POMK: variants seen among roughly 807,000 people sequenced by gnomAD.
The protein encoded by POMK is protein O-mannose kinase.
A neutral mutation model predicts 23.0 loss-of-function variants in POMK; 19 were observed. That is an observed-to-expected ratio of 0.83 (90% confidence interval 0.58 to 1.21). The LOEUF (loss-of-function observed/expected upper bound fraction) is 1.21, where lower values mean the gene tolerates loss of function less well. Ranked by LOEUF, POMK falls within the 50% of genes most tolerant of loss-of-function variation. The pLI, the probability that POMK is intolerant of heterozygous loss-of-function variation, is 0.00. For missense variants in POMK, 410 were observed against 431.3 expected (o/e 0.95, Z 0.44); for synonymous variants, 173 against 171.6 (o/e 1.01, Z -0.06).
intron 4 of POMK, among the ~76,000 whole-genome samples, chr8:43,111,990 A>G (rs915246923): frequency 1.3e-5 from 2 of 152,228 alleles, no homozygotes; most frequent in Non-Finnish European, 2.9e-5. Flanking sequence ...AAAAACTGGA[A>G]ACTCTAAAAA....
rs146354743 is a variant in POMK at position 43,099,174 on chromosome 8, C to T, written c.-118+1559C>T. 1.3e-3 allele frequency among the ~76,000 whole-genome samples: 196 copies of T among 152,348 alleles called. 4 individuals are homozygous for T. The highest frequency in any genetic ancestry group is 6.8e-3 in the Middle Eastern group (2 of 294). ...CTATGTTACCCTGGCTGGTCTGGAA[C>T]TCCTAGGCTCAAGCGATCCTCCCAC... On this transcript the variant is annotated intron_variant, in intron 2 of 4. Transcript: ENST00000331373.
Position 43,114,759 on chromosome 8 carries a change from C to T in POMK, c.283-7348C>T, listed in dbSNP as rs149499772. ...TTCCTATTCGGCCATCTTGCCCCTT[C>T]GATGCTTTGAGATTTTTAAACCCAA... On this transcript the variant is annotated intron_variant, in intron 4 of 4. Transcript: ENST00000331373. Among the ~76,000 whole-genome samples, 373 of 152,292 alleles carry T rather than the reference C, an allele frequency of 2.4e-3. 4 individuals are homozygous for T. Among genetic ancestry groups the T allele is most frequent in the Middle Eastern group, 0.017 (5 of 294 alleles).
chr8:43,102,119 T>G (rs988856263), intron 2 of POMK, among the ~76,000 whole-genome samples: 10 of 152,212 alleles, frequency 6.6e-5, no homozygotes, highest in African/African-American at 2.4e-4. Flanking sequence ...TAGACCTATT[T>G]GTTTACTTGT....
At chr8:43,094,413 CGAG>C (rs1811290658) in intron 1 of POMK, among the ~76,000 whole-genome samples, 13 of 152,262 alleles carry the variant, frequency 8.5e-5, no homozygotes, top group South Asian at 2.1e-4. Flanking sequence ...CAGAAAGGAC[CGAG>C]GACTCTGTCT....
chr8:43,109,306 T>C lies in POMK; in HGVS notation c.282+5476T>C, dbSNP rs1313095112. ...CTTTCCAAACAAGACCCAATGAAGG[T>C]AGCATGAGGCTGATTGCCTCCTCTC... On this transcript the variant is annotated intron_variant, in intron 4 of 4. Transcript: ENST00000331373. 3.3e-5 allele frequency among the ~76,000 whole-genome samples: 5 copies of C among 152,288 alleles called. No homozygotes were observed. The East Asian group carries it at 9.6e-4, about 29-fold the overall frequency.
rs73629151 is a variant in POMK at position 43,103,230 on chromosome 8, T to G, written c.-21-298T>G. On this transcript the variant is annotated intron_variant, in intron 3 of 4. Coordinates refer to ENST00000331373, the MANE Select transcript of POMK (RefSeq NM_032237.5). The stretch of plus-strand genomic sequence containing the variant: ...ATTTTGCTTTCATTTTACTGAATAT[T>G]CATGAGCATCTATTTAATGCATGCT... 4.9e-3 allele frequency among the ~76,000 whole-genome samples: 749 copies of G among 152,268 alleles called. 7 individuals carry two copies. The highest frequency in any genetic ancestry group is 0.017 in the African/African-American group (720 of 41,556).
In POMK at chr8:43,103,587, C is replaced by G. The variant is rs762781994; in HGVS notation, c.39C>G (p.Ala13=). 4.3e-6 allele frequency: 7 copies of G among 1,614,164 alleles called. No individual in the cohort carries two copies. Among genetic ancestry groups the G allele is most frequent in the Non-Finnish European group, 5.9e-6 (7 of 1,180,040 alleles). ...KQPQNSRRGL[A]PREVPPAVGL... Reference sequence around the variant, plus strand: ...CCCAGAACAGCAGGAGAGGCCTCGCCCCCCGAGAGGTGCCGCCAGCTGTTG... The same window carrying G: ...CCCAGAACAGCAGGAGAGGCCTCGCGCCCCGAGAGGTGCCGCCAGCTGTTG... Residue 13 remains alanine (A), a synonymous_variant, in exon 4 of 5, where the codon GCC becomes GCG. Transcript: ENST00000331373.
chr8:43,102,721 TCC>T (rs1422985271), intron 3 of POMK, 121 bp downstream of exon 3: 2 of 152,736 alleles, frequency 1.3e-5, no homozygotes, highest in African/African-American at 4.8e-5. Flanking sequence ...TCCATATACT[TCC>T]ATTCTGCTCC....
intron 4 of POMK, among the ~76,000 whole-genome samples, chr8:43,107,147 A>G (rs1038600026): frequency 3.3e-5 from 5 of 152,136 alleles, no homozygotes; most frequent in Admixed American, 3.3e-4. Context: ...TTAAAAGTAA[A>G]GGTTTGAAAG....
chr8:43,101,475 T>C (rs970708017), intron 2 of POMK, among the ~76,000 whole-genome samples: 4 of 151,610 alleles, frequency 2.6e-5, no homozygotes, highest in Non-Finnish European at 5.9e-5. Flanking sequence ...GAGTAAAGTT[T>C]AGGCAAATTT....
chr8:43,095,025 A>G (rs1811305125), intron 1 of POMK, among the ~76,000 whole-genome samples: 1 of 152,200 alleles, frequency 6.6e-6, no homozygotes, highest in Non-Finnish European at 1.5e-5. Context: ...TATGCCTGTG[A>G]AACAAAAAAG....
intron 4 of POMK, among the ~76,000 whole-genome samples, chr8:43,115,775 C>G (rs540755938): frequency 5.3e-5 from 8 of 152,230 alleles, no homozygotes; most frequent in African/African-American, 1.7e-4. Context: ...CTTTGGTGCT[C>G]TCTGTCTCAT....
rs369762572 is a variant in POMK, at chr8:43,103,601, C to T, written c.53C>T (p.Pro18Leu). ...SRRGLAPREVPPAVGLLLIMA... is the reference protein window; with the variant it reads ...SRRGLAPREVLPAVGLLLIMA... ...AGAGGCCTCGCCCCCCGAGAGGTGCCGCCAGCTGTTGGGCTGCTGCTGATC... is the reference window on the plus strand; with the variant it reads ...AGAGGCCTCGCCCCCCGAGAGGTGCTGCCAGCTGTTGGGCTGCTGCTGATC... Residue 18 changes from proline to leucine, a missense_variant, in exon 4 of 5, where the codon CCG (proline) becomes CTG (leucine). Pro to Leu is a moderately conservative substitution (Grantham distance 98). Transcript: ENST00000331373. The T allele has an allele frequency of 2.5e-5, 41 of 1,613,986 alleles. No individual in the cohort carries two copies. The highest frequency in any genetic ancestry group is 8.9e-5 in the East Asian group (4 of 44,884).
chr8:43,103,502 ACTT>A lies in POMK; in HGVS notation c.-21-22_-21-20del, dbSNP rs762440027. ...AAGGAAGTGAAAGCTGACTGTCATG[ACTT>A]CTTGTTTCATTGTGTATTTTAGGAA... On this transcript the variant is annotated intron_variant, in intron 3 of 4. Transcript: ENST00000331373. The A allele has an allele frequency of 1.9e-5, 30 of 1,603,702 alleles. No homozygotes were observed. In the South Asian group the frequency reaches 3.1e-4, roughly 16 times the overall value.
At chr8:43,101,267 A>G (rs1196910941) in intron 2 of POMK, among the ~76,000 whole-genome samples, 3 of 152,024 alleles carry the variant, frequency 2.0e-5, no homozygotes, top group Non-Finnish European at 4.4e-5. Context: ...TACAAAAAAA[A>G]ATACAAAAAT....
rs1022005618 is a variant in POMK at position 43,107,056 on chromosome 8, T to C, written c.282+3226T>C. 4.6e-5 allele frequency among the ~76,000 whole-genome samples: 7 copies of C among 152,316 alleles called. No homozygotes were observed. The South Asian group carries it at 8.3e-4, about 18-fold the overall frequency. ...CGTGACAAAGGCAGTAGTATCTTTA[T>C]AGTTTTAGTACAGCATTTAAACAGA... On this transcript the variant is annotated intron_variant, in intron 4 of 4. Transcript: ENST00000331373.
chr8:43,121,257 C>T (rs1294576338), intron 4 of POMK, among the ~76,000 whole-genome samples: 1 of 152,202 alleles, frequency 6.6e-6, no homozygotes, highest in Non-Finnish European at 1.5e-5. Flanking sequence ...TCTCCTGAGT[C>T]CTGAGCCTGC....
chr8:43,104,572 TATG>T (rs1480616783), intron 4 of POMK, among the ~76,000 whole-genome samples: 1 of 152,196 alleles, frequency 6.6e-6, no homozygotes, highest in Non-Finnish European at 1.5e-5. Flanking sequence ...AATAAAACCT[TATG>T]ATGATAAGTG....
At chr8:43,101,761 T>A (rs1811448001) in intron 2 of POMK, among the ~76,000 whole-genome samples, 1 of 152,220 alleles carries the variant, frequency 6.6e-6, no homozygotes, top group African/African-American at 2.4e-5. Flanking sequence ...TCTGGTAGTC[T>A]GTGATTGTAG....
Sources: allele counts gnomAD v4.1 joint callset (sites outside exome capture counted in the v4.1 genomes callset), GRCh38; gene constraint gnomAD v4.1.1; transcripts MANE v1.5; gene names NCBI Gene and HGNC (gene_info 2026-07-23, HGNC 2026-07-21).